The following LIFR variants were observed in gnomAD, a reference collection of about 807,000 sequenced individuals.
LIFR encodes the protein LIF receptor subunit alpha.
LIFR carries 84 observed loss-of-function variants against 122.2 expected under a neutral mutation model. That is an observed-to-expected ratio of 0.69 (90% CI 0.58 to 0.82). The LOEUF is 0.82. LIFR is among the 40% of genes least tolerant of loss of function. LIFR has a pLI of 0.00. For synonymous variants in LIFR, 422 were observed against 434.7 expected, an observed-to-expected ratio of 0.97 and a Z score of 0.36; for missense variants, 1,294 against 1,311.6, an observed-to-expected ratio of 0.99 and a Z score of 0.21.
intron 1 of LIFR, among the ~76,000 whole-genome samples, chr5:38,593,632 A>T (rs1750003691): frequency 6.6e-6 from 1 of 152,124 alleles, no homozygotes; most frequent in East Asian, 1.9e-4. Flanking sequence ...CAACAGAATG[A>T]ATGTTTATGT....
rs1743696152 is a variant in LIFR, at chr5:38,475,740, G to A, written c.*5855C>T. On this transcript the variant is annotated 3_prime_UTR_variant, in exon 20 of 20. Transcript: ENST00000453190. The stretch of plus-strand genomic sequence containing the variant: ...AAGTAAAAAAAGGTAATTTCCTAGT[G>A]TTATAAGGACCTTGACTTATGGCCA... The A allele has an allele frequency of 1.1e-5, 2 of 188,468 alleles. No homozygotes were observed. The highest frequency in any genetic ancestry group is 4.7e-5 in the African/African-American group (2 of 42,824). The allele number at this position is 188,468 out of a possible 1,614,324, so 11.7% of individuals were successfully genotyped here.
At chr5:38,510,325 T>C (rs530242273) in intron 7 of LIFR, 139 bp downstream of exon 7, 9 of 782,668 alleles carry the variant, frequency 1.1e-5, no homozygotes, top group South Asian at 9.9e-5. Flanking sequence ...TGCCTTTGTA[T>C]AGCCTTTATA....
At chr5:38,558,779 C>T (rs889386500), upstream of LIFR, 1 of 152,114 alleles carries the variant, frequency 6.6e-6, no homozygotes, top group Non-Finnish European at 1.5e-5. Flanking sequence ...ACCGTCAGAT[C>T]GCGTGAGAAT....
At position 38,582,058 on chromosome 5, in the gene LIFR, CT is replaced by C. The variant is rs35430300; in HGVS notation, c.-20+13202del. ...ACAAATGACCACTTCTTTTTTTTTC[CT>C]TTTTTTTTTTTCTTTTTTTAGAGAT... is the stretch of plus-strand genomic sequence containing the variant. On this transcript the variant is annotated intron_variant, in intron 1 of 19. Transcript: ENST00000263409. 0.01 allele frequency among the ~76,000 whole-genome samples: 1,469 copies of C among 145,186 alleles called. 107 individuals carry two copies. In the East Asian group the frequency reaches 0.2, roughly 20 times the overall value.
At chr5:38,594,543 G>C (rs778310080) in intron 1 of LIFR, among the ~76,000 whole-genome samples, 2 of 152,136 alleles carry the variant, frequency 1.3e-5, no homozygotes, top group Non-Finnish European at 2.9e-5. Context: ...GACTGGGAGT[G>C]GGGTGGACAG....
chr5:38,528,904 G>A, intron 2 of LIFR, 64 bp from the exon 3 acceptor site: 1 of 969,702 alleles, frequency 1.0e-6, no homozygotes, highest in Non-Finnish European at 1.6e-6. Flanking sequence ...AGAATATGCT[G>A]AATAAGTCAA....
upstream of LIFR, among the ~76,000 whole-genome samples, chr5:38,561,172 G>T (rs1450604592): frequency 1.3e-5 from 2 of 152,074 alleles, no homozygotes; most frequent in African/African-American, 2.4e-5. Context: ...TTGTCTTAAG[G>T]GTACTTACCT....
Position 38,481,582 on chromosome 5 carries a change from C to T in LIFR, c.*13G>A, listed in dbSNP as rs1017110423. ...TTATTGAGATGGCTGACTGAAGTGA[C>T]ACGGTGACACTGTTAATCGTTTGGT... On this transcript the variant is annotated 3_prime_UTR_variant, in exon 20 of 20. Transcript: ENST00000453190. The T allele has an allele frequency of 6.2e-7, 1 of 1,614,050 alleles. No homozygotes were observed. The highest frequency in any genetic ancestry group is 8.5e-7 in the Non-Finnish European group (1 of 1,179,922).
chr5:38,530,462 T>C lies in LIFR; in HGVS notation c.142+44A>G, dbSNP rs188967222. 7.8e-5 allele frequency: 122 copies of C among 1,566,232 alleles called. No individual in the cohort carries two copies. The African/African-American group carries it at 1.5e-3, about 20-fold the overall frequency. ...AATTGCTTCGTCATCAAAATGGAAA[T>C]AAAACTGCAATCTGTTCATTCTCTG... is the stretch of plus-strand genomic sequence containing the variant. On this transcript the variant is annotated intron_variant, in intron 2 of 19. Transcript: ENST00000453190.
intron 1 of LIFR, among the ~76,000 whole-genome samples, chr5:38,585,676 A>G (rs1335086725): frequency 2.6e-5 from 4 of 152,200 alleles, no homozygotes; most frequent in Non-Finnish European, 4.4e-5. Context: ...ACACACAGTC[A>G]TTCAGAGTCA....
At chr5:38,552,960 G>A (rs1748282944) in intron 1 of LIFR, among the ~76,000 whole-genome samples, 1 of 152,158 alleles carries the variant, frequency 6.6e-6, no homozygotes, top group African/African-American at 2.4e-5. Flanking sequence ...TGTGTTGCTA[G>A]CCCCCTGGAG....
chr5:38,551,490 C>T (rs1748196768), intron 1 of LIFR, among the ~76,000 whole-genome samples: 1 of 152,202 alleles, frequency 6.6e-6, no homozygotes, highest in Non-Finnish European at 1.5e-5. Flanking sequence ...CAACAGTCCT[C>T]GGATTCAAGG....
chr5:38,545,158 C>T (rs6872543), intron 1 of LIFR, among the ~76,000 whole-genome samples: 126,625 of 151,936 alleles, frequency 0.83, 52,972 homozygotes, highest in East Asian at 0.98. Context: ...TAGTCTCAGC[C>T]ACTCAGGAGG....
At chr5:38,553,709 C>T (rs1168917154) in intron 1 of LIFR, among the ~76,000 whole-genome samples, 1 of 126,122 alleles carries the variant, frequency 7.9e-6, no homozygotes, top group Admixed American at 9.1e-5. Flanking sequence ...ATTATGATAG[C>T]TTACACTAGT....
chr5:38,511,477 T>C (rs1023164814), intron 6 of LIFR, among the ~76,000 whole-genome samples: 1 of 152,120 alleles, frequency 6.6e-6, no homozygotes, highest in Non-Finnish European at 1.5e-5. Flanking sequence ...TGTTTTGTTT[T>C]TTTTTTTTAA....
At chr5:38,529,493 C>T (rs949327312) in intron 2 of LIFR, among the ~76,000 whole-genome samples, 3 of 151,832 alleles carry the variant, frequency 2.0e-5, no homozygotes, top group African/African-American at 7.3e-5. Flanking sequence ...TGGTGTGGGC[C>T]TAAACAATTG....
intron 1 of LIFR, among the ~76,000 whole-genome samples, chr5:38,576,576 A>G (rs1459628545): frequency 6.6e-6 from 1 of 152,218 alleles, no homozygotes; most frequent in African/African-American, 2.4e-5. Context: ...GCTGGGACTC[A>G]TAGAAACGTG....
At chr5:38,603,505 C>G (rs983669354) in intron 2 of LIFR, among the ~76,000 whole-genome samples, 1 of 152,208 alleles carries the variant, frequency 6.6e-6, no homozygotes, top group Non-Finnish European at 1.5e-5. Context: ...TGGTTTAACT[C>G]TGTCCCTTCC....
At chr5:38,608,291 T>G (rs1209153717) in exon 1 of LIFR, 1 of 152,158 alleles carries the variant, frequency 6.6e-6, no homozygotes, top group African/African-American at 2.4e-5. Flanking sequence ...AAGAATTTAT[T>G]TTCTTCTATT....
Sources: gnomAD v4.1 joint callset for allele counts (sites outside exome capture counted in the v4.1 genomes callset) on GRCh38, gnomAD v4.1.1 for gene constraint, MANE v1.5 for transcripts, NCBI Gene and HGNC (gene_info 2026-07-23, HGNC 2026-07-21) for gene names.